The following TACR3 variants were observed in gnomAD, a reference collection of about 807,000 sequenced individuals.
TACR3 encodes the protein neuromedin-K receptor.
Under a neutral mutation model 35.0 loss-of-function variants are expected in TACR3, and 34 were observed. The observed-to-expected ratio is 0.97, with a 90% CI of 0.74 to 1.30. The LOEUF is 1.30. TACR3 is among the 50% of genes most tolerant of loss of function. The pLI is 0.00. For synonymous variants in TACR3, 233 were observed against 221.1 expected (o/e 1.05, Z -0.48); for missense variants, 558 against 591.7 (o/e 0.94, Z 0.59).
intron 3 of TACR3, among the ~76,000 whole-genome samples, chr4:103,630,975 A>G (rs1264078948): frequency 6.6e-6 from 1 of 152,204 alleles, no homozygotes; most frequent in African/African-American, 2.4e-5. Context: ...TGTGGCACAT[A>G]TACACATGGA....
At chr4:103,708,880 T>G (rs918567007) in intron 1 of TACR3, among the ~76,000 whole-genome samples, 4 of 152,210 alleles carry the variant, frequency 2.6e-5, no homozygotes, top group Non-Finnish European at 1.5e-5. Flanking sequence ...AGTAGCCGAT[T>G]TGATTAACTG....
intron 1 of TACR3, among the ~76,000 whole-genome samples, chr4:103,666,289 TG>T: frequency 6.6e-6 from 1 of 152,028 alleles, no homozygotes; most frequent in African/African-American, 2.4e-5. Flanking sequence ...GAAAAATAAG[TG>T]GGGGCTTATT....
intron 3 of TACR3, among the ~76,000 whole-genome samples, chr4:103,632,508 A>C (rs1725090567): frequency 1.3e-5 from 2 of 151,836 alleles, no homozygotes. Flanking sequence ...TGGACACAGG[A>C]AGGAGAACAA....
chr4:103,647,870 T>C (rs1725494948), intron 3 of TACR3, among the ~76,000 whole-genome samples: 2 of 151,938 alleles, frequency 1.3e-5, no homozygotes, highest in Admixed American at 1.3e-4. Context: ...CGAGTGGGAG[T>C]AGTTAATCCA....
At chr4:103,699,056 T>C (rs1486233165) in intron 1 of TACR3, among the ~76,000 whole-genome samples, 1 of 152,240 alleles carries the variant, frequency 6.6e-6, no homozygotes, top group Non-Finnish European at 1.5e-5. Flanking sequence ...GCACTCTACT[T>C]ATTATTCATT....
intron 3 of TACR3, among the ~76,000 whole-genome samples, chr4:103,614,884 GTTTTTTTTTTTT>G (rs71580414): frequency 1.4e-4 from 10 of 72,060 alleles, no homozygotes; most frequent in South Asian, 1.0e-3. Flanking sequence ...TTATGAATGT[GTTTTTTTTTTTT>G]TTTTTTTTTT....
At chr4:103,630,878 C>A (rs939665485) in intron 3 of TACR3, among the ~76,000 whole-genome samples, 3 of 152,154 alleles carry the variant, frequency 2.0e-5, no homozygotes, top group Non-Finnish European at 2.9e-5. Flanking sequence ...GACACACACA[C>A]ACGTGTGTTT....
intron 1 of TACR3, among the ~76,000 whole-genome samples, chr4:103,693,443 C>T (rs2110218271): frequency 6.6e-6 from 1 of 152,248 alleles, no homozygotes; most frequent in South Asian, 2.1e-4. Flanking sequence ...ATTTCTATTT[C>T]CTCCAGCAGA....
At chr4:103,619,541 A>G (rs1344279399) in intron 3 of TACR3, among the ~76,000 whole-genome samples, 1 of 152,038 alleles carries the variant, frequency 6.6e-6, no homozygotes. Flanking sequence ...TCTGGCTGAG[A>G]CTTCCAGTAC....
In TACR3 at chr4:103,654,541, T is replaced by G. The variant is rs1476067470; in HGVS notation, c.888+1653A>C. Among the ~76,000 whole-genome samples, 18 of 93,818 alleles carry G rather than the reference T, an allele frequency of 1.9e-4. No homozygotes were observed. In the East Asian group the frequency reaches 7.0e-3, roughly 36 times the overall value. The allele number at this position is 93,818 out of a possible 152,430, so 61.5% of individuals were successfully genotyped here. ...AAGGGGAACATCACACACCAGGGAC[T>G]GTTGTGGGGTGGGGGGAGGGGGGAG... On this transcript the variant is annotated intron_variant, in intron 3 of 4. Coordinates refer to ENST00000304883, the MANE Select transcript of TACR3 (RefSeq NM_001059.3).
intron 1 of TACR3, among the ~76,000 whole-genome samples, chr4:103,693,699 G>T (rs1722453173): frequency 6.6e-6 from 1 of 151,910 alleles, no homozygotes; most frequent in East Asian, 1.9e-4. Context: ...ATACTTAAAG[G>T]TTTGCTTTAT....
chr4:103,718,734 G>C (rs1299572085), intron 1 of TACR3, among the ~76,000 whole-genome samples: 1 of 152,204 alleles, frequency 6.6e-6, no homozygotes, highest in Non-Finnish European at 1.5e-5. Flanking sequence ...GACTGACAGA[G>C]AGAAGGAAGG....
intron 1 of TACR3, among the ~76,000 whole-genome samples, chr4:103,710,390 CG>C (rs1159277431): frequency 2.0e-5 from 3 of 152,108 alleles, no homozygotes; most frequent in East Asian, 3.9e-4. Flanking sequence ...AACTGAACAA[CG>C]TGCTCCTGAA....
At chr4:103,714,865 T>C (rs1002738544) in intron 1 of TACR3, among the ~76,000 whole-genome samples, 8 of 152,202 alleles carry the variant, frequency 5.3e-5, no homozygotes, top group Admixed American at 3.3e-4. Context: ...CTCATGACTC[T>C]ATATTTTTAT....
intron 1 of TACR3, among the ~76,000 whole-genome samples, chr4:103,713,474 G>T (rs1350540972): frequency 9.4e-6 from 1 of 106,506 alleles, no homozygotes; most frequent in Non-Finnish European, 1.8e-5. Context: ...GCCTGTCATG[G>T]GGTGGGGGGA....
In TACR3 at chr4:103,708,525, G is replaced by C. The variant is rs1296458146; in HGVS notation, c.548+10603C>G. On this transcript the variant is annotated intron_variant, in intron 1 of 4. Coordinates refer to ENST00000304883, the MANE Select transcript of TACR3 (RefSeq NM_001059.3). Reference sequence around the variant, plus strand: ...ATCTGTATGTCACCATCATCAAAGAGCAAAGGTAGATAAAACCACAAAGAT... The same window carrying C: ...ATCTGTATGTCACCATCATCAAAGACCAAAGGTAGATAAAACCACAAAGAT... Among the ~76,000 whole-genome samples, 16 of 152,236 alleles carry C rather than the reference G, an allele frequency of 1.1e-4. No individual in the cohort carries two copies. In the East Asian group the frequency reaches 3.1e-3, roughly 29 times the overall value.
In TACR3 at chr4:103,662,644, G is replaced by T. The variant is rs116086919; in HGVS notation, c.549-4241C>A. Among the ~76,000 whole-genome samples, 679 of 152,266 alleles carry T rather than the reference G, an allele frequency of 4.5e-3. 3 individuals are homozygous for T. Among genetic ancestry groups the T allele is most frequent in the African/African-American group, 0.016 (656 of 41,552 alleles). ...ACATAGGTAATTGGGCTTAAATCAG[G>T]TCATTAGGGTGGTCTCTAACCCAAT... On this transcript the variant is annotated intron_variant, in intron 1 of 4. Coordinates refer to ENST00000304883, the MANE Select transcript of TACR3 (RefSeq NM_001059.3).
At chr4:103,630,583 C>CTCATCATCACTGG (rs1247686769) in intron 3 of TACR3, among the ~76,000 whole-genome samples, 1 of 152,146 alleles carries the variant, frequency 6.6e-6, no homozygotes, top group African/African-American at 2.4e-5. Context: ...TGAAAAAATG[C>CTCATCATCACTGG]TCATCATCAC....
intron 3 of TACR3, among the ~76,000 whole-genome samples, chr4:103,650,193 C>T (rs1725557558): frequency 6.6e-6 from 1 of 151,764 alleles, no homozygotes; most frequent in African/African-American, 2.4e-5. Flanking sequence ...AAATATAGTC[C>T]CTTTTCCTGT....
Sources: allele counts gnomAD v4.1 joint callset (sites outside exome capture counted in the v4.1 genomes callset), GRCh38; gene constraint gnomAD v4.1.1; transcripts MANE v1.5; gene names NCBI Gene and HGNC (gene_info 2026-07-23, HGNC 2026-07-21).